The following MED17 variants were observed in gnomAD, a reference collection of about 807,000 sequenced individuals.
The protein encoded by MED17 is mediator of RNA polymerase II transcription subunit 17.
In MED17, 49 loss-of-function variants were observed where a neutral mutation model predicts 80.8. That is an observed-to-expected ratio of 0.61 (90% CI 0.48 to 0.77). The LOEUF is 0.77. Ranked by LOEUF, MED17 falls within the 30% of genes least tolerant of loss-of-function variation. The pLI is 0.00. For missense variants in MED17, 718 were observed against 787.0 expected (o/e 0.91, Z 1.05); for synonymous variants, 281 against 280.4 (o/e 1.00, Z -0.02).
chr11:93,785,674 A>G (rs537968630), intron 1 of MED17, among the ~76,000 whole-genome samples: 1 of 152,342 alleles, frequency 6.6e-6, no homozygotes, highest in East Asian at 1.9e-4. Flanking sequence ...ATGAAAGAAT[A>G]GTTGTATTAT....
At chr11:93,790,530 T>C in intron 2 of MED17, 44 bp from the exon 3 acceptor site, 7 of 1,544,332 alleles carry the variant, frequency 4.5e-6, no homozygotes, top group Non-Finnish European at 6.2e-6. Context: ...TTTAGAGTCA[T>C]TTAAAAATCC....
intron 1 of MED17, among the ~76,000 whole-genome samples, chr11:93,785,215 AGGCG>A (rs952260092): frequency 7.2e-5 from 11 of 152,258 alleles, no homozygotes; most frequent in African/African-American, 2.7e-4. Flanking sequence ...TCCAAGAGGT[AGGCG>A]GGTCCAGATC....
In MED17 at chr11:93,812,082, C is replaced by G. The variant is rs762055694; in HGVS notation, c.*18C>G. The G allele has an allele frequency of 2.5e-6, 4 of 1,608,298 alleles. 1 individual carries two copies. In the Admixed American group the frequency reaches 6.7e-5, roughly 27 times the overall value. ...TACTATGATTTTTTCCAGATGTTTC[C>G]TAAAGAAGTTTCCAGAAACTTTGAC... On this transcript the variant is annotated 3_prime_UTR_variant, in exon 12 of 12. Coordinates refer to ENST00000251871, the MANE Select transcript of MED17 (RefSeq NM_004268.5).
At position 93,784,608 on chromosome 11, in the gene MED17, C is replaced by T. The variant is rs926146633; in HGVS notation, c.95C>T (p.Pro32Leu). The change falls in exon 1 of 12, where the codon CCC becomes CTC. Residue 32 changes from proline to leucine, a missense_variant. Transcript: ENST00000251871. ...CTGGATGGCACCGAGACGTACCTGCCCCCGCTGTCCATGTCGCAGAATCTG... is the reference window on the plus strand; with the variant it reads ...CTGGATGGCACCGAGACGTACCTGCTCCCGCTGTCCATGTCGCAGAATCTG... ...VGLDGTETYL[P>L]PLSMSQNLAR... is the part of the protein sequence containing the mutation. The T allele has an allele frequency of 1.2e-6, 2 of 1,601,682 alleles. No individual in the cohort carries two copies. The highest frequency in any genetic ancestry group is 2.7e-5 in the African/African-American group (2 of 74,852).
intron 3 of MED17, chr11:93,793,114 C>CTGTTTTTGTTTTTT (rs1943856512): frequency 1.9e-5 from 1 of 52,154 alleles, no homozygotes; most frequent in Non-Finnish European, 3.5e-5. Context: ...GAGTACACCT[C>CTGTTTTTGTTTTTT]TTTTTTTTTT....
In MED17 at chr11:93,788,186, T is replaced by G. The variant is rs768492217; in HGVS notation, c.417+19T>G. 1 of 1,599,542 alleles carries G rather than the reference T, an allele frequency of 6.3e-7. No homozygotes were observed. Among genetic ancestry groups the G allele is most frequent in the Non-Finnish European group, 8.6e-7 (1 of 1,168,288 alleles). ...AAAACAGGTATTTGTGGACTTTAAT[T>G]GAATAATAAAATTTTATTTATTAAA... On this transcript the variant is annotated intron_variant, in intron 2 of 11. Coordinates refer to ENST00000251871, the MANE Select transcript of MED17 (RefSeq NM_004268.5).
chr11:93,798,167 A>G (rs1943924556), intron 8 of MED17, among the ~76,000 whole-genome samples: 1 of 152,144 alleles, frequency 6.6e-6, no homozygotes, highest in Non-Finnish European at 1.5e-5. Flanking sequence ...TACTGATAAG[A>G]TTGAGGCTTA....
At chr11:93,807,422 A>G in intron 9 of MED17, 96 bp from the exon 10 acceptor site, 2 of 816,470 alleles carry the variant, frequency 2.4e-6, no homozygotes, top group South Asian at 1.4e-5. Context: ...CTAAAAAATA[A>G]TAATATTTTC....
At chr11:93,809,166 A>G in intron 10 of MED17, 1 of 179,200 alleles carries the variant, frequency 5.6e-6, no homozygotes, top group Non-Finnish European at 1.2e-5. Context: ...CCTAAGGGGG[A>G]GAGTCGTGTA....
Position 93,784,760 on chromosome 11 carries a change from G to T in MED17, c.247G>T (p.Glu83Ter). Reference sequence around the variant, plus strand: ...GTCCAGCGCAGACCAGGACGACGAGGAAGGTAAGGCCTGCATCCGCTGCCC... The same window carrying T: ...GTCCAGCGCAGACCAGGACGACGAGTAAGGTAAGGCCTGCATCCGCTGCCC... ...AGSSADQDDE[E>*]GVVKFQPSLW... is the part of the protein sequence containing the mutation. The change falls in exon 1 of 12, where the codon GAA (glutamate) becomes TAA (stop). Residue 83 changes from glutamate to a stop codon, truncating the protein, a stop_gained. Transcript: ENST00000251871. LOFTEE classifies it high-confidence loss of function. The T allele has an allele frequency of 6.5e-7, 1 of 1,539,040 alleles. No individual in the cohort carries two copies.
intron 9 of MED17, among the ~76,000 whole-genome samples, chr11:93,802,286 T>A (rs1440910758): frequency 1.3e-5 from 2 of 152,088 alleles, no homozygotes; most frequent in African/African-American, 4.8e-5. Flanking sequence ...AAATTTTTTT[T>A]AAGAAACATG....
At chr11:93,794,125 G>T in intron 5 of MED17, 90 bp downstream of exon 5, 1 of 1,037,656 alleles carries the variant, frequency 9.6e-7, no homozygotes, top group Non-Finnish European at 1.5e-6. Flanking sequence ...GGAAAAAATA[G>T]ATAGTTTGAA....
intron 1 of MED17, among the ~76,000 whole-genome samples, chr11:93,787,268 C>A (rs1299289411): frequency 2.6e-5 from 4 of 151,954 alleles, no homozygotes; most frequent in Non-Finnish European, 5.9e-5. Flanking sequence ...AAAAAATTAG[C>A]TGGGCGTGGT....
At chr11:93,804,024 T>TATAC (rs1184808596) in intron 9 of MED17, among the ~76,000 whole-genome samples, 22 of 12,396 alleles carry the variant, frequency 1.8e-3, no homozygotes, top group African/African-American at 2.4e-3. Context: ...TATATATATA[T>TATAC]ATACACACAC....
chr11:93,790,892 A>G (rs889902769), intron 3 of MED17, 99 bp downstream of exon 3: 2 of 1,056,590 alleles, frequency 1.9e-6, no homozygotes, highest in African/African-American at 3.2e-5. Flanking sequence ...GGATCACTTG[A>G]GGCCAGGAGT....
chr11:93,804,026 T>TATATAC (rs1240355155), intron 9 of MED17, among the ~76,000 whole-genome samples: 11 of 11,322 alleles, frequency 9.7e-4, no homozygotes, highest in Middle Eastern at 0.033. Flanking sequence ...TATATATATA[T>TATATAC]ACACACACAC....
intron 7 of MED17, 182 bp from the exon 8 acceptor site, chr11:93,797,353 C>T (rs1943915477): frequency 1.6e-6 from 1 of 616,622 alleles, no homozygotes. Context: ...AGCGACCCTT[C>T]TCTTTACAGT....
Position 93,788,162 on chromosome 11 carries a change from A to G in MED17, c.412A>G (p.Lys138Glu). Reference sequence around the variant, plus strand: ...TGTCTCTCAGGATGCACTTCCTCCAAAACAGGTATTTGTGGACTTTAATTG... The same window carrying G: ...TGTCTCTCAGGATGCACTTCCTCCAGAACAGGTATTTGTGGACTTTAATTG... ...DPVSQDALPPKQNPQTLQLIS... is the reference protein window; with the variant it reads ...DPVSQDALPPEQNPQTLQLIS... The change falls in exon 2 of 12, where the codon AAA becomes GAA. Residue 138 changes from lysine (K) to glutamate (E), a missense_variant. By Grantham distance (56) the Lys-to-Glu change is moderately conservative. Coordinates refer to ENST00000251871, the MANE Select transcript of MED17 (RefSeq NM_004268.5). The G allele has an allele frequency of 1.2e-6, 2 of 1,612,348 alleles. No individual in the cohort carries two copies. Among genetic ancestry groups the G allele is most frequent in the Non-Finnish European group, 1.7e-6 (2 of 1,178,662 alleles).
Position 93,807,591 on chromosome 11 carries a change from C to T in MED17, c.1540C>T (p.Leu514=), listed in dbSNP as rs563312300. 2.9e-5 allele frequency: 47 copies of T among 1,613,292 alleles called. No homozygotes were observed. The Middle Eastern group carries it at 8.3e-4, about 28-fold the overall frequency. Residue 514 remains leucine, a synonymous_variant, in exon 10 of 12, where the codon CTG becomes TTG. Coordinates refer to ENST00000251871, the MANE Select transcript of MED17 (RefSeq NM_004268.5). ...ACATAGAGATGGAAGAGTAATTACA[C>T]TGTCTTATCAGGAGCAGGAGCTACA... ...VVHRDGRVIT[L]SYQEQELQDF...
Sources: gnomAD v4.1 joint callset for allele counts (sites outside exome capture counted in the v4.1 genomes callset) on GRCh38, gnomAD v4.1.1 for gene constraint, MANE v1.5 for transcripts, NCBI Gene and HGNC (gene_info 2026-07-23, HGNC 2026-07-21) for gene names.